TMEM74: variants seen among roughly 807,000 people sequenced by gnomAD.
The protein encoded by TMEM74 is transmembrane protein 74.
Under a neutral mutation model 18.1 loss-of-function variants are expected in TMEM74, and 13 were observed. That is an observed-to-expected ratio of 0.72 (90% confidence interval 0.47 to 1.14). The LOEUF (loss-of-function observed/expected upper bound fraction) is 1.14. Among genes scored for constraint, TMEM74 ranks in the 50% most tolerant of loss-of-function variants. The probability of loss-of-function intolerance (pLI) is 0.00; values close to 1 mark genes in which losing one functional copy is unlikely to be tolerated. For synonymous variants in TMEM74, 159 were observed against 146.6 expected, an observed-to-expected ratio of 1.08 and a Z score of -0.61; for missense variants, 372 against 375.9, an observed-to-expected ratio of 0.99 and a Z score of 0.09.
intron 1 of TMEM74, among the ~76,000 whole-genome samples, chr8:108,688,318 G>C (rs1212292330): frequency 6.6e-6 from 1 of 152,140 alleles, no homozygotes; most frequent in African/African-American, 2.4e-5. Flanking sequence ...CACAATGAAG[G>C]CTTTCTTAGA....
chr8:108,624,649 T>C (rs2130546349), intron 2 of TMEM74, among the ~76,000 whole-genome samples: 1 of 152,204 alleles, frequency 6.6e-6, no homozygotes, highest in Admixed American at 6.5e-5. Flanking sequence ...TTTATATCTT[T>C]CATTTTTCTC....
At chr8:108,712,543 C>T (rs900660517) in intron 1 of TMEM74, among the ~76,000 whole-genome samples, 29 of 152,122 alleles carry the variant, frequency 1.9e-4, no homozygotes, top group Admixed American at 1.3e-3. Context: ...TCATACTGCT[C>T]GAGCTCTGAG....
At chr8:108,786,722 C>G (rs1814390176) in intron 1 of TMEM74, among the ~76,000 whole-genome samples, 1 of 152,102 alleles carries the variant, frequency 6.6e-6, no homozygotes, top group South Asian at 2.1e-4. Flanking sequence ...CATCAATTAC[C>G]GATAACTCTT....
chr8:108,610,326 T>C (rs1388055569), intron 2 of TMEM74, among the ~76,000 whole-genome samples: 1 of 152,206 alleles, frequency 6.6e-6, no homozygotes, highest in Non-Finnish European at 1.5e-5. Flanking sequence ...TTTTAAATTA[T>C]AATTATGGAC....
chr8:108,625,685 C>A (rs1441786269), intron 2 of TMEM74, among the ~76,000 whole-genome samples: 1 of 151,934 alleles, frequency 6.6e-6, no homozygotes, highest in Non-Finnish European at 1.5e-5. Flanking sequence ...AATGTGCCTA[C>A]ACTGTTGCCC....
chr8:108,726,027 A>G (rs528329135), intron 1 of TMEM74, among the ~76,000 whole-genome samples: 1 of 152,296 alleles, frequency 6.6e-6, no homozygotes, highest in South Asian at 2.1e-4. Context: ...GTAAATAAGG[A>G]TTGTAATACA....
intron 1 of TMEM74, among the ~76,000 whole-genome samples, chr8:108,746,660 C>G (rs1441972100): frequency 6.6e-6 from 1 of 152,060 alleles, no homozygotes; most frequent in African/African-American, 2.4e-5. Flanking sequence ...TAAATAGCCT[C>G]AGGATGGGGG....
At chr8:108,626,164 C>T (rs991954046) in intron 2 of TMEM74, among the ~76,000 whole-genome samples, 9 of 152,000 alleles carry the variant, frequency 5.9e-5, no homozygotes, top group African/African-American at 2.2e-4. Flanking sequence ...TGTATTACAA[C>T]TATTTTCTAC....
At chr8:108,712,049 C>G (rs1194691850) in intron 1 of TMEM74, among the ~76,000 whole-genome samples, 1 of 152,020 alleles carries the variant, frequency 6.6e-6, no homozygotes, top group Non-Finnish European at 1.5e-5. Context: ...TTTTGGACAT[C>G]AAAATTGCAA....
chr8:108,696,638 A>T (rs1439433887), intron 1 of TMEM74, among the ~76,000 whole-genome samples: 1 of 152,218 alleles, frequency 6.6e-6, no homozygotes, highest in Non-Finnish European at 1.5e-5. Context: ...TGGCAGATGA[A>T]AGCACAGTCT....
intron 1 of TMEM74, among the ~76,000 whole-genome samples, chr8:108,766,991 G>A (rs1443112590): frequency 1.3e-5 from 2 of 152,140 alleles, no homozygotes; most frequent in Admixed American, 6.6e-5. Flanking sequence ...AGCTGCATTG[G>A]CAGCTGATTA....
intron 2 of TMEM74, among the ~76,000 whole-genome samples, chr8:108,629,588 G>T (rs559079442): frequency 6.6e-6 from 1 of 152,024 alleles, no homozygotes; most frequent in Non-Finnish European, 1.5e-5. Flanking sequence ...CAGCGAGAAA[G>T]GTCAGGTTAC....
rs1266587595 is a variant in TMEM74, at chr8:108,782,026, A to G, written c.*2155T>C. On this transcript the variant is annotated 3_prime_UTR_variant, in exon 2 of 2. Coordinates refer to ENST00000297459, the MANE Select transcript of TMEM74 (RefSeq NM_153015.3). ...CTGTTTCACCAATAAATAAAAACTC[A>G]GTTGATCTCATTTAGCTTCTATGAA... Among the ~76,000 whole-genome samples, 1 of 152,172 alleles carries G rather than the reference A, an allele frequency of 6.6e-6. No homozygotes were observed. Among genetic ancestry groups the G allele is most frequent in the Non-Finnish European group, 1.5e-5 (1 of 68,032 alleles).
intron 1 of TMEM74, among the ~76,000 whole-genome samples, chr8:108,754,296 T>A (rs1200068882): frequency 6.6e-6 from 1 of 152,124 alleles, no homozygotes; most frequent in Non-Finnish European, 1.5e-5. Context: ...AATAGATTTT[T>A]AAATAAATGT....
intron 1 of TMEM74, among the ~76,000 whole-genome samples, chr8:108,661,772 C>T (rs564596480): frequency 1.1e-4 from 17 of 152,024 alleles, no homozygotes; most frequent in African/African-American, 3.9e-4. Context: ...GTAGGTGACA[C>T]TTAGTGTTTA....
intron 1 of TMEM74, among the ~76,000 whole-genome samples, chr8:108,709,405 C>T (rs1813452549): frequency 6.6e-6 from 1 of 152,094 alleles, no homozygotes; most frequent in African/African-American, 2.4e-5. Flanking sequence ...GGACATTATG[C>T]TAAGTGAAAT....
intron 1 of TMEM74, among the ~76,000 whole-genome samples, chr8:108,769,412 T>G (rs376086176): frequency 2.6e-5 from 4 of 152,208 alleles, no homozygotes; most frequent in African/African-American, 9.6e-5. Flanking sequence ...AAGCGCACTT[T>G]TCCTTCTTAA....
chr8:108,665,679 C>A (rs975614973), intron 1 of TMEM74, among the ~76,000 whole-genome samples: 1 of 152,062 alleles, frequency 6.6e-6, no homozygotes, highest in Admixed American at 6.6e-5. Flanking sequence ...TCTAAGTGTG[C>A]AGACTGGAGT....
At chr8:108,764,795 C>A (rs573504571) in intron 1 of TMEM74, among the ~76,000 whole-genome samples, 2 of 152,104 alleles carry the variant, frequency 1.3e-5, no homozygotes, top group Admixed American at 6.6e-5. Context: ...AATTTGCTGG[C>A]TGCTAAAAAT....
Sources: gnomAD v4.1 joint callset for allele counts (sites outside exome capture counted in the v4.1 genomes callset) on GRCh38, gnomAD v4.1.1 for gene constraint, MANE v1.5 for transcripts, NCBI Gene and HGNC (gene_info 2026-07-23, HGNC 2026-07-21) for gene names.